Variants in NRXN1 observed in about 807,000 individuals in gnomAD.
NRXN1 encodes neurexin-1.
A neutral mutation model predicts 150.9 loss-of-function variants in NRXN1; 39 were observed. That is an observed-to-expected ratio of 0.26 (90% CI 0.20 to 0.34). The LOEUF (loss-of-function observed/expected upper bound fraction) is 0.34, where lower values mean the gene tolerates loss of function less well. Ranked by LOEUF, NRXN1 falls within the 10% of genes least tolerant of loss-of-function variation. The pLI is 1.00. For synonymous variants in NRXN1, 924 were observed against 757.0 expected (o/e 1.22, Z -3.62); for missense variants, 1,815 against 1,949.9 (o/e 0.93, Z 1.30).
At chr2:50,938,308 G>T (rs949720686) in intron 2 of NRXN1, among the ~76,000 whole-genome samples, 3 of 152,088 alleles carry the variant, frequency 2.0e-5, no homozygotes, top group Non-Finnish European at 2.9e-5. Context: ...GCATTTTTCA[G>T]GTCCATTACA....
At chr2:50,093,373 T>C (rs1469329992) in intron 18 of NRXN1, among the ~76,000 whole-genome samples, 1 of 151,332 alleles carries the variant, frequency 6.6e-6, no homozygotes, top group Non-Finnish European at 1.5e-5. Flanking sequence ...CCCAGCAGTT[T>C]GGGAGGCCAA....
intron 2 of NRXN1, among the ~76,000 whole-genome samples, chr2:51,013,171 G>A (rs1247009531): frequency 6.6e-6 from 1 of 152,052 alleles, no homozygotes; most frequent in East Asian, 1.9e-4. Context: ...AATACAGGCA[G>A]CGGCTGTAAC....
In NRXN1 at chr2:50,570,432, T is replaced by C. The variant is rs1249382256; in HGVS notation, c.1321-17407A>G. ...TCATTTAGAATTAATTTCTTATAAG[T>C]ATCGTAAATCCAATAATCTGCTCCT... On this transcript the variant is annotated intron_variant, in intron 8 of 22. Coordinates refer to ENST00000401669, the MANE Select transcript of NRXN1 (RefSeq NM_001330078.2). Among the ~76,000 whole-genome samples the C allele has an allele frequency of 3.3e-5, 5 of 152,338 alleles. No homozygotes were observed. In the East Asian group the frequency reaches 9.7e-4, roughly 29 times the overall value.
chr2:50,758,396 G>A (rs537070770), intron 5 of NRXN1, among the ~76,000 whole-genome samples: 11 of 151,956 alleles, frequency 7.2e-5, no homozygotes, highest in African/African-American at 2.7e-4. Context: ...ATCACTTAAT[G>A]CAATGAAATT....
intron 18 of NRXN1, among the ~76,000 whole-genome samples, chr2:50,137,415 T>G (rs1706589683): frequency 6.6e-6 from 1 of 152,104 alleles, no homozygotes; most frequent in African/African-American, 2.4e-5. Context: ...AGTTCATGGA[T>G]AGATTAAGTC....
At chr2:50,257,769 C>T (rs559150689) in intron 17 of NRXN1, among the ~76,000 whole-genome samples, 10 of 151,768 alleles carry the variant, frequency 6.6e-5, no homozygotes, top group African/African-American at 1.4e-4. Context: ...TAAAGTGCTA[C>T]GGAGTACTGA....
chr2:50,715,103 T>C (rs1281378813), intron 5 of NRXN1, among the ~76,000 whole-genome samples: 5 of 152,170 alleles, frequency 3.3e-5, no homozygotes, highest in African/African-American at 1.2e-4. Context: ...CAAAAATTTA[T>C]ATTAACTTCT....
intron 8 of NRXN1, among the ~76,000 whole-genome samples, chr2:50,556,780 T>C (rs1668322922): frequency 6.6e-6 from 1 of 152,144 alleles, no homozygotes; most frequent in Non-Finnish European, 1.5e-5. Flanking sequence ...AGGAGCTTAG[T>C]AGTCTGCATA....
At chr2:50,971,804 T>C (rs1695049491) in intron 2 of NRXN1, among the ~76,000 whole-genome samples, 1 of 152,130 alleles carries the variant, frequency 6.6e-6, no homozygotes, top group Non-Finnish European at 1.5e-5. Flanking sequence ...TAAAAATTCT[T>C]TCTCAACATA....
chr2:50,557,986 C>T (rs543184181), intron 8 of NRXN1, among the ~76,000 whole-genome samples: 1 of 152,108 alleles, frequency 6.6e-6, no homozygotes, highest in African/African-American at 2.4e-5. Context: ...ACACAGCAGG[C>T]TAGCTAACCT....
At chr2:50,610,091 C>T (rs1000676972) in intron 8 of NRXN1, among the ~76,000 whole-genome samples, 1 of 151,980 alleles carries the variant, frequency 6.6e-6, no homozygotes, top group Non-Finnish European at 1.5e-5. Flanking sequence ...GAAATAATTT[C>T]CTTCCAAACA....
intron 17 of NRXN1, among the ~76,000 whole-genome samples, chr2:50,343,255 G>T (rs2077684586): frequency 6.6e-6 from 1 of 152,092 alleles, no homozygotes; most frequent in South Asian, 2.1e-4. Flanking sequence ...GTATGCAGAG[G>T]CACTTAGGAA....
chr2:50,022,247 G>C (rs987871467), intron 21 of NRXN1, among the ~76,000 whole-genome samples: 7 of 152,238 alleles, frequency 4.6e-5, no homozygotes, highest in African/African-American at 1.4e-4. Flanking sequence ...CTCCCAAAGT[G>C]CTGGGATTAC....
At chr2:50,790,646 A>C (rs1356007649) in intron 5 of NRXN1, among the ~76,000 whole-genome samples, 5 of 152,196 alleles carry the variant, frequency 3.3e-5, no homozygotes, top group Non-Finnish European at 5.9e-5. Flanking sequence ...ATAGTGTAAA[A>C]TGCAGGTTGA....
intron 17 of NRXN1, among the ~76,000 whole-genome samples, chr2:50,451,378 C>A (rs2086949239): frequency 6.6e-6 from 1 of 152,104 alleles, no homozygotes; most frequent in African/African-American, 2.4e-5. Flanking sequence ...TTCACAAAAC[C>A]ATCATTTTTA....
Position 50,582,780 on chromosome 2 carries a change from C to T in NRXN1, c.1321-29755G>A, listed in dbSNP as rs1036616544. ...CAAAATATTAAAACAGCTTTGATGG[C>T]TTCCAGTTCCCCCGCTGAACCATAT... On this transcript the variant is annotated intron_variant, in intron 8 of 22. Coordinates refer to ENST00000401669, the MANE Select transcript of NRXN1 (RefSeq NM_001330078.2). Among the ~76,000 whole-genome samples the T allele has an allele frequency of 5.3e-5, 8 of 152,056 alleles. 1 individual carries two copies. The highest frequency in any genetic ancestry group is 1.3e-4 in the Admixed American group (2 of 15,274).
chr2:50,685,426 C>T (rs1691079535), intron 5 of NRXN1, among the ~76,000 whole-genome samples: 1 of 152,080 alleles, frequency 6.6e-6, no homozygotes, highest in African/African-American at 2.4e-5. Context: ...AATGTAAGAC[C>T]CAAATTACAA....
chr2:50,344,706 G>A (rs751600616), intron 17 of NRXN1, among the ~76,000 whole-genome samples: 1 of 152,144 alleles, frequency 6.6e-6, no homozygotes, highest in Non-Finnish European at 1.5e-5. Flanking sequence ...AGCTTGCAGC[G>A]GAGAGGAAAA....
intron 9 of NRXN1, among the ~76,000 whole-genome samples, chr2:50,542,791 G>A (rs1326411140): frequency 1.3e-5 from 2 of 152,124 alleles, no homozygotes; most frequent in Admixed American, 6.5e-5. Flanking sequence ...TTGAATCCCA[G>A]ACCTCCTTAA....
Sources: allele counts gnomAD v4.1 joint callset (sites outside exome capture counted in the v4.1 genomes callset), GRCh38; gene constraint gnomAD v4.1.1; transcripts MANE v1.5; gene names NCBI Gene and HGNC (gene_info 2026-07-23, HGNC 2026-07-21).